HECTD2: variants seen among roughly 807,000 people sequenced by gnomAD.
HECTD2 encodes the protein HECT domain E3 ubiquitin protein ligase 2.
In HECTD2, 35 loss-of-function variants were observed where a neutral mutation model predicts 103.2. That is an observed-to-expected ratio of 0.34 (90% CI 0.26 to 0.45). The LOEUF (loss-of-function observed/expected upper bound fraction) is 0.45. Among genes scored for constraint, HECTD2 ranks in the 20% least tolerant of loss-of-function variants. The probability of loss-of-function intolerance (pLI) is 1.00; values close to 1 mark genes in which losing one functional copy is unlikely to be tolerated. For missense variants in HECTD2, 596 were observed against 937.4 expected (o/e 0.64, Z 4.76); for synonymous variants, 281 against 329.9 (o/e 0.85, Z 1.61).
At chr10:91,460,363 T>G in intron 2 of HECTD2, 64 bp from the exon 3 acceptor site, 2 of 1,246,816 alleles carry the variant, frequency 1.6e-6, no homozygotes, top group Non-Finnish European at 2.2e-6. Flanking sequence ...GAATTAATCT[T>G]GTATTTTATA....
intron 14 of HECTD2, 43 bp from the exon 15 acceptor site, chr10:91,496,171 T>A: frequency 7.0e-7 from 1 of 1,427,866 alleles, no homozygotes. Flanking sequence ...ACTCATTTGT[T>A]GTCATGGATT....
At chr10:91,475,738 A>G (rs950331367) in intron 5 of HECTD2, among the ~76,000 whole-genome samples, 4 of 152,222 alleles carry the variant, frequency 2.6e-5, no homozygotes. Context: ...AACACACTCA[A>G]ATTGGTAAAT....
intron 20 of HECTD2, among the ~76,000 whole-genome samples, chr10:91,504,560 G>T (rs2133365780): frequency 6.6e-6 from 1 of 152,266 alleles, no homozygotes; most frequent in Non-Finnish European, 1.5e-5. Flanking sequence ...AATGAAGCGA[G>T]AAGGAAAGTT....
At position 91,487,628 on chromosome 10, in the gene HECTD2, A is replaced by G. The variant is rs1225553641; in HGVS notation, c.1095-54A>G. 8.2e-6 allele frequency: 9 copies of G among 1,097,504 alleles called. No individual in the cohort carries two copies. Among genetic ancestry groups the G allele is most frequent in the Non-Finnish European group, 1.3e-5 (9 of 708,536 alleles). The allele number at this position is 1,097,504 out of a possible 1,614,324, so 68.0% of individuals were successfully genotyped here. A position where few individuals can be genotyped will look rare whatever the true frequency, so the allele number is the denominator to read the frequency against. On this transcript the variant is annotated intron_variant, in intron 10 of 20. Coordinates refer to ENST00000298068, the MANE Select transcript of HECTD2 (RefSeq NM_182765.6). The surrounding 1 kb of genome is among the most constrained non-coding windows in gnomAD (Gnocchi z 4.1). ...GGGGTACCTTAGATTCCCTTAGTAT[A>G]ATTTTGTTAAAAATACACCATTTTG...
At chr10:91,477,594 A>G (rs1335922615) in intron 5 of HECTD2, among the ~76,000 whole-genome samples, 1 of 152,218 alleles carries the variant, frequency 6.6e-6, no homozygotes, top group Non-Finnish European at 1.5e-5. Context: ...GCTAGGCTGA[A>G]TGAGTGCTGA....
intron 1 of HECTD2, among the ~76,000 whole-genome samples, chr10:91,412,539 C>G (rs1352214181): frequency 6.6e-6 from 1 of 150,702 alleles, no homozygotes; most frequent in African/African-American, 2.4e-5. Flanking sequence ...ACTGCAATCT[C>G]TGCCTCTCGT....
At chr10:91,503,455 C>T (rs1434933678) in intron 20 of HECTD2, among the ~76,000 whole-genome samples, 1 of 152,208 alleles carries the variant, frequency 6.6e-6, no homozygotes, top group African/African-American at 2.4e-5. Flanking sequence ...CGAGGCATTG[C>T]CTCACTCGGG....
At chr10:91,433,375 A>G (rs1843976945) in intron 2 of HECTD2, among the ~76,000 whole-genome samples, 1 of 151,994 alleles carries the variant, frequency 6.6e-6, no homozygotes, top group South Asian at 2.1e-4. Flanking sequence ...GGCAAATGCA[A>G]GCAAATATAA....
Position 91,483,032 on chromosome 10 carries a change from C to T in HECTD2, c.777C>T (p.Thr259=), listed in dbSNP as rs775902740. 2 of 1,589,060 alleles carry T rather than the reference C, an allele frequency of 1.3e-6. No homozygotes were observed. Among genetic ancestry groups the T allele is most frequent in the South Asian group, 1.1e-5 (1 of 89,926 alleles). Reference sequence around the variant, plus strand: ...CTCACTTGCTACGACAGATAGCTACCTTAGTGGAAGCTGACCATCATTTCC... The same window carrying T: ...CTCACTTGCTACGACAGATAGCTACTTTAGTGGAAGCTGACCATCATTTCC... ...IYAHLLRQIA[T]LVEADHHFLV... is the part of the protein sequence containing the mutation. The change falls in exon 8 of 21, where the codon ACC becomes ACT. Residue 259 remains threonine, a synonymous_variant. Coordinates refer to ENST00000298068, the MANE Select transcript of HECTD2 (RefSeq NM_182765.6).
chr10:91,471,636 T>C (rs7895666), intron 5 of HECTD2, among the ~76,000 whole-genome samples: 30,522 of 152,134 alleles, frequency 0.2, 7,267 homozygotes, highest in African/African-American at 0.58. Flanking sequence ...AAAATCAATA[T>C]ATAAAAATCA....
chr10:91,492,255 A>T, intron 12 of HECTD2, 97 bp from the exon 13 acceptor site: 1 of 1,141,232 alleles, frequency 8.8e-7, no homozygotes, highest in Non-Finnish European at 1.3e-6. Context: ...CATTGCAAAT[A>T]AGTTAAAGAC....
intron 15 of HECTD2, among the ~76,000 whole-genome samples, chr10:91,497,500 A>T (rs1185859748): frequency 9.8e-6 from 1 of 101,916 alleles, no homozygotes; most frequent in East Asian, 3.4e-4. Context: ...TAGTAGAGAC[A>T]GGGTTTCACC....
At chr10:91,470,793 C>T (rs1845695475) in intron 5 of HECTD2, among the ~76,000 whole-genome samples, 1 of 152,036 alleles carries the variant, frequency 6.6e-6, no homozygotes, top group Non-Finnish European at 1.5e-5. Flanking sequence ...TAAGAAACAG[C>T]TTACCAACCC....
intron 20 of HECTD2, among the ~76,000 whole-genome samples, chr10:91,502,984 G>A (rs1030157261): frequency 6.6e-6 from 1 of 152,080 alleles, no homozygotes; most frequent in Admixed American, 6.5e-5. Flanking sequence ...AAAAGACAAG[G>A]ACAACACTCC....
intron 13 of HECTD2, 66 bp downstream of exon 13, chr10:91,492,550 C>A (rs1846519640): frequency 8.2e-7 from 1 of 1,213,320 alleles, no homozygotes; most frequent in Non-Finnish European, 1.2e-6. Flanking sequence ...AGTAGTCACC[C>A]TTATTTTTAA....
At chr10:91,485,521 G>A (rs1846235773) in intron 10 of HECTD2, 1 of 399,990 alleles carries the variant, frequency 2.5e-6, no homozygotes, top group East Asian at 5.4e-5. Context: ...TTGGTTAATA[G>A]CATCTTTTCA....
intron 2 of HECTD2, among the ~76,000 whole-genome samples, chr10:91,455,097 G>C (rs892469331): frequency 1.6e-4 from 25 of 152,132 alleles, no homozygotes; most frequent in Non-Finnish European, 3.2e-4. Context: ...TAATGGGATG[G>C]CTGGGTCAAA....
chr10:91,499,749 A>G (rs1846820083), intron 18 of HECTD2, among the ~76,000 whole-genome samples: 1 of 151,910 alleles, frequency 6.6e-6, no homozygotes, highest in South Asian at 2.1e-4. Flanking sequence ...TGCCATTTAT[A>G]CCTCCCTTAG....
chr10:91,476,469 C>T (rs1268647832), intron 5 of HECTD2, among the ~76,000 whole-genome samples: 1 of 152,134 alleles, frequency 6.6e-6, no homozygotes, highest in African/African-American at 2.4e-5. Flanking sequence ...ACTGGGAAGT[C>T]TTCTTTGTTG....
Sources: allele counts gnomAD v4.1 joint callset (sites outside exome capture counted in the v4.1 genomes callset), GRCh38; gene constraint gnomAD v4.1.1; non-coding constraint Gnocchi (gnomAD v3.1); transcripts MANE v1.5; gene names NCBI Gene and HGNC (gene_info 2026-07-23, HGNC 2026-07-21).